The following KIF27 variants were observed in gnomAD, a reference collection of about 807,000 sequenced individuals.
KIF27 encodes the protein kinesin-like protein KIF27.
KIF27 carries 84 observed loss-of-function variants against 141.8 expected under a neutral mutation model. That is an observed-to-expected ratio of 0.59 (90% CI 0.50 to 0.71). The LOEUF (loss-of-function observed/expected upper bound fraction) is 0.71. KIF27 is among the 30% of genes least tolerant of loss of function. KIF27 has a pLI of 0.00. For synonymous variants in KIF27, 471 were observed against 569.5 expected (o/e 0.83, Z 2.46); for missense variants, 1,306 against 1,628.4 (o/e 0.80, Z 3.41).
In KIF27 at chr9:83,903,186, G is replaced by C; in HGVS notation, c.1332C>G (p.Asn444Lys). The part of the protein sequence containing the change: ...KQQHKLQEWF[N>K]MIQEVRKAVL... ...CAGCCTTCCTGACCTCTTGGATCATGTTAAACCACTCCTGCAGTTTGTGTT... is the reference window on the plus strand; with the variant it reads ...CAGCCTTCCTGACCTCTTGGATCATCTTAAACCACTCCTGCAGTTTGTGTT... Residue 444 changes from asparagine to lysine, a missense_variant, in exon 4 of 18, where the codon AAC becomes AAG. This residue lies in a region of KIF27 where 533 missense variants were observed against 565.6 expected (regional missense o/e 0.94). Transcript: ENST00000297814. 1 of 1,614,112 alleles carries C rather than the reference G, an allele frequency of 6.2e-7. No homozygotes were observed. The highest frequency in any genetic ancestry group is 1.1e-5 in the South Asian group (1 of 91,080).
In KIF27 at chr9:83,837,002, T is replaced by C; in HGVS notation, c.4205A>G (p.Ter1402TrpextTer20). 6.2e-7 allele frequency: 1 copy of C among 1,613,752 alleles called. No individual in the cohort carries two copies. The highest frequency in any genetic ancestry group is 8.5e-7 in the Non-Finnish European group (1 of 1,179,820). The change falls in exon 18 of 18, where the codon TAG becomes TGG. Residue 1402 changes from the stop codon to tryptophan, a stop_lost. Transcript: ENST00000297814. ...VSRKPRDLKT[*>W] ...ACTAAAAGTTCTATTATTCAATGTC[T>C]AAGTTTTTAAGTCCCTTGGTTTCCT...
chr9:83,892,651 C>T (rs879653496), intron 5 of KIF27, among the ~76,000 whole-genome samples: 6 of 151,952 alleles, frequency 3.9e-5, no homozygotes, highest in Non-Finnish European at 8.8e-5. Flanking sequence ...GATTATCTAA[C>T]CATATGCTGC....
intron 2 of KIF27, among the ~76,000 whole-genome samples, chr9:83,909,287 G>T (rs1289511382): frequency 4.6e-5 from 7 of 152,138 alleles, no homozygotes; most frequent in African/African-American, 7.2e-5. Flanking sequence ...GGTCATGGTG[G>T]GCATCATTCA....
chr9:83,856,840 A>T lies in KIF27; in HGVS notation c.3150+2316T>A, dbSNP rs890986224. ...CAGGAGAATTGCTTGAACCCAGGAG[A>T]TGGAGGCAGTGAGCCGAGATCGCAC... On this transcript the variant is annotated intron_variant, in intron 14 of 17. Coordinates refer to ENST00000297814, the MANE Select transcript of KIF27 (RefSeq NM_017576.4). Among the ~76,000 whole-genome samples the T allele has an allele frequency of 2.7e-5, 4 of 148,746 alleles. No individual in the cohort carries two copies. In the Admixed American group the frequency reaches 2.7e-4, roughly 10 times the overall value.
rs538296089 is a variant in KIF27, at chr9:83,888,779, A to ATGTT, written c.1980-191_1980-188dup. Among the ~76,000 whole-genome samples, 21 of 146,712 alleles carry ATGTT rather than the reference A, an allele frequency of 1.4e-4. No homozygotes were observed. The East Asian group carries it at 4.0e-3, about 28-fold the overall frequency. The stretch of plus-strand genomic sequence containing the variant: ...CCATGTTGAATCCAGTAGAAAAGTC[A>ATGTT]TGTTTGTTGCCAACGTGGCAGCAGA... On this transcript the variant is annotated intron_variant, in intron 7 of 17. Transcript: ENST00000297814.
At chr9:83,909,337 G>A (rs1362536126) in intron 2 of KIF27, among the ~76,000 whole-genome samples, 18 of 152,266 alleles carry the variant, frequency 1.2e-4, no homozygotes, top group African/African-American at 2.6e-4. Flanking sequence ...GAGGCCAAGC[G>A]CAGTGGCTCA....
intron 16 of KIF27, among the ~76,000 whole-genome samples, chr9:83,846,852 C>G (rs896097035): frequency 2.0e-5 from 3 of 152,186 alleles, no homozygotes; most frequent in Non-Finnish European, 4.4e-5. Context: ...CACCTGGACA[C>G]TTTGGGCTCC....
chr9:83,862,903 T>C (rs1028327613), intron 13 of KIF27, among the ~76,000 whole-genome samples: 59 of 152,294 alleles, frequency 3.9e-4, no homozygotes, highest in African/African-American at 1.3e-3. Flanking sequence ...CCCTGGTAAG[T>C]TGGATTCCTA....
chr9:83,867,432 A>T lies in KIF27; in HGVS notation c.2934+252T>A, dbSNP rs927389776. On this transcript the variant is annotated intron_variant, in intron 13 of 17. Coordinates refer to ENST00000297814, the MANE Select transcript of KIF27 (RefSeq NM_017576.4). ...CATCCATCCATTAATCCACCCACCC[A>T]CCCTCCCACCCATCCCTAGGAGTGA... Among the ~76,000 whole-genome samples the T allele has an allele frequency of 6.1e-3, 262 of 42,954 alleles. 2 individuals carry two copies. The highest frequency in any genetic ancestry group is 0.019 in the African/African-American group (220 of 11,766). The allele number at this position is 42,954 out of a possible 152,430, so 28.2% of individuals were successfully genotyped here.
At chr9:83,889,631 A>G (rs192366458) in intron 6 of KIF27, among the ~76,000 whole-genome samples, 2,768 of 151,388 alleles carry the variant, frequency 0.018, 44 homozygotes, top group Admixed American at 0.028. Flanking sequence ...ACACCTGGAG[A>G]ACTGTGGTGC....
At chr9:83,875,301 G>C (rs1249565246) in intron 11 of KIF27, among the ~76,000 whole-genome samples, 1 of 152,204 alleles carries the variant, frequency 6.6e-6, no homozygotes, top group Non-Finnish European at 1.5e-5. Context: ...AAGAGCCAAT[G>C]ATGATGCCTA....
chr9:83,909,593 G>A (rs1289395263), intron 2 of KIF27, among the ~76,000 whole-genome samples: 3 of 135,980 alleles, frequency 2.2e-5, no homozygotes, highest in Admixed American at 7.8e-5. Context: ...CAGCCTGAGC[G>A]ACAGAGGGAA....
intron 17 of KIF27, among the ~76,000 whole-genome samples, chr9:83,839,241 G>C (rs1946282217): frequency 6.6e-6 from 1 of 152,142 alleles, no homozygotes; most frequent in African/African-American, 2.4e-5. Flanking sequence ...AAGATCTTAA[G>C]GAAAGAGTCT....
In KIF27 at chr9:83,850,235, T is replaced by C; in HGVS notation, c.3420A>G (p.Lys1140=). The C allele has an allele frequency of 2.5e-6, 4 of 1,613,760 alleles. No individual in the cohort carries two copies. Among genetic ancestry groups the C allele is most frequent in the Non-Finnish European group, 3.4e-6 (4 of 1,179,658 alleles). ...QQLYNEEMKM[K]VLERDNMVRE... is the part of the protein sequence containing the mutation. Reference sequence around the variant, plus strand: ...GAACCATATTATCCCGTTCCAGAACTTTCATTTTCATTTCTTCATTATATA... The same window carrying C: ...GAACCATATTATCCCGTTCCAGAACCTTCATTTTCATTTCTTCATTATATA... The change falls in exon 16 of 18, where the codon AAA becomes AAG. Residue 1140 remains lysine (K), a synonymous_variant. Coordinates refer to ENST00000297814, the MANE Select transcript of KIF27 (RefSeq NM_017576.4).
chr9:83,841,699 T>C (rs1946586418), intron 17 of KIF27, among the ~76,000 whole-genome samples: 1 of 152,226 alleles, frequency 6.6e-6, no homozygotes, highest in Non-Finnish European at 1.5e-5. Context: ...GTATTTTTTA[T>C]TTTTGCAAAG....
chr9:83,908,775 G>A (rs1364268183), intron 2 of KIF27, 123 bp from the exon 3 acceptor site: 16 of 476,840 alleles, frequency 3.4e-5, no homozygotes, highest in East Asian at 3.3e-4. Flanking sequence ...TTTTTTTGGC[G>A]GGGGGACGGA....
intron 5 of KIF27, among the ~76,000 whole-genome samples, chr9:83,896,064 A>C (rs948597077): frequency 1.4e-4 from 21 of 149,484 alleles, no homozygotes; most frequent in Non-Finnish European, 2.1e-4. Context: ...AAAAAAAAAA[A>C]AAAAAAAAAA....
At chr9:83,859,448 A>G (rs1036823821) in intron 13 of KIF27, 77 bp from the exon 14 acceptor site, 8 of 951,306 alleles carry the variant, frequency 8.4e-6, no homozygotes, top group South Asian at 1.5e-5. Flanking sequence ...GGAAAAACAT[A>G]GAGAAAATTG....
intron 3 of KIF27, among the ~76,000 whole-genome samples, 188 bp downstream of exon 3, chr9:83,908,261 CAAA>C (rs769794962): frequency 4.0e-5 from 3 of 74,280 alleles, no homozygotes; most frequent in Non-Finnish European, 5.5e-5. Flanking sequence ...AACTCCATCT[CAAA>C]AAAAAAAAAA....
Sources: gnomAD v4.1 joint callset for allele counts (sites outside exome capture counted in the v4.1 genomes callset) on GRCh38, gnomAD v4.1.1 for gene constraint, gnomAD v4.1.1 regional missense constraint, MANE v1.5 for transcripts, NCBI Gene and HGNC (gene_info 2026-07-23, HGNC 2026-07-21) for gene names.